The following ZNF469 variants were observed in gnomAD, a reference collection of about 807,000 sequenced individuals.
The protein encoded by ZNF469 is zinc finger protein 469.
ZNF469 carries 1 observed loss-of-function variant against 1.0 expected under a neutral mutation model. The ratio of observed to expected loss-of-function variants is 1.00; its 90% CI spans 0.35 to 4.73. The LOEUF (loss-of-function observed/expected upper bound fraction) is 4.73, where lower values mean the gene tolerates loss of function less well. Ranked by LOEUF, ZNF469 falls within the 30% of genes most tolerant of loss-of-function variation. The pLI is 0.16. For missense variants in ZNF469, 6,100 were observed against 5,356.3 expected (o/e 1.14, Z -4.33); for synonymous variants, 2,703 against 2,363.4 (o/e 1.14, Z -4.17).
At chr16:88,249,429 C>CTTT in the ZNF469 span, among the ~76,000 whole-genome samples, 240 of 63,460 alleles carry the variant, frequency 3.8e-3, 1 homozygote, top group African/African-American at 0.012. Flanking sequence ...TTTTCTTTTT[C>CTTT]TTTTTTTTTT....
At chr16:88,163,654 A>ATGGG in the ZNF469 span, among the ~76,000 whole-genome samples, 257 of 106,854 alleles carry the variant, frequency 2.4e-3, 1 homozygote, top group Admixed American at 7.1e-3. Flanking sequence ...GGATGGATGG[A>ATGGG]TAGTTGGGTA....
In ZNF469 at chr16:88,383,066, CCT is replaced by C. The variant is rs1019895385; in HGVS notation, c.-376_-375del. ...GACCTGGGCAGGGTGGCGGCTGCTC[CCT>C]CTCCTCCCACCCCGCCCCGAGGCGC... On this transcript the variant is annotated 5_prime_UTR_variant, in exon 1 of 3. Coordinates refer to ENST00000565624, the MANE Select transcript of ZNF469 (RefSeq NM_001367624.2). 2.6e-4 allele frequency among the ~76,000 whole-genome samples: 39 copies of C among 151,402 alleles called. No individual in the cohort carries two copies. In the East Asian group the frequency reaches 4.9e-3, roughly 19 times the overall value.
the ZNF469 span, among the ~76,000 whole-genome samples, chr16:88,222,582 AC>A: frequency 6.6e-6 from 1 of 151,974 alleles, no homozygotes; most frequent in East Asian, 1.9e-4. Flanking sequence ...ACATGGAGAA[AC>A]CCCATCTCTA....
At chr16:88,311,276 C>T in the ZNF469 span, among the ~76,000 whole-genome samples, 2 of 152,212 alleles carry the variant, frequency 1.3e-5, no homozygotes, top group African/African-American at 4.8e-5. Context: ...GGCCACCTGG[C>T]TGAGGCCTCA....
At chr16:88,120,971 AG>A in the ZNF469 span, among the ~76,000 whole-genome samples, 4 of 152,060 alleles carry the variant, frequency 2.6e-5, no homozygotes, top group South Asian at 2.1e-4. Context: ...GGTTCTAGAA[AG>A]GCCTCACCAT....
At chr16:88,256,431 A>G in the ZNF469 span, among the ~76,000 whole-genome samples, 2 of 152,260 alleles carry the variant, frequency 1.3e-5, no homozygotes, top group African/African-American at 2.4e-5. Flanking sequence ...TGGATGGACC[A>G]TAGTTTATTA....
chr16:88,429,399 G>A lies in ZNF469; in HGVS notation c.1929G>A (p.Glu643=). 6.5e-7 allele frequency: 1 copy of A among 1,548,452 alleles called. No individual in the cohort carries two copies. Among genetic ancestry groups the A allele is most frequent in the South Asian group, 1.2e-5 (1 of 84,006 alleles). Reference sequence around the variant, plus strand: ...TCCACCCACCCACTCACCCCCAGGAGACGGGCAGCCCCTTCCCGTCCCCGG... The same window carrying A: ...TCCACCCACCCACTCACCCCCAGGAAACGGGCAGCCCCTTCCCGTCCCCGG... ...AFFHPPTHPQ[E]TGSPFPSPEP... Residue 643 remains glutamate, a synonymous_variant, in exon 3 of 3, where the codon GAG becomes GAA. Transcript: ENST00000565624.
At chr16:88,387,724 A>G (rs985628334) in intron 1 of ZNF469, among the ~76,000 whole-genome samples, 7 of 152,306 alleles carry the variant, frequency 4.6e-5, no homozygotes, top group Non-Finnish European at 7.4e-5. Flanking sequence ...GAGAAGGCTC[A>G]GCGTGTGTGG....
At chr16:88,298,032 T>C in the ZNF469 span, among the ~76,000 whole-genome samples, 3 of 152,202 alleles carry the variant, frequency 2.0e-5, no homozygotes, top group African/African-American at 7.2e-5. Flanking sequence ...ACAGGTCTTG[T>C]CCCCAGAAAT....
intron 1 of ZNF469, among the ~76,000 whole-genome samples, chr16:88,415,916 C>T (rs953351337): frequency 6.6e-6 from 1 of 152,250 alleles, no homozygotes; most frequent in Non-Finnish European, 1.5e-5. Context: ...CGCAGCCCGG[C>T]CCCTCCCAGG....
chr16:88,226,340 G>A, the ZNF469 span, among the ~76,000 whole-genome samples: 1 of 152,070 alleles, frequency 6.6e-6, no homozygotes, highest in Non-Finnish European at 1.5e-5. Context: ...GAGGCTGGGA[G>A]AAGAGAGGCG....
chr16:88,438,192 C>T lies in ZNF469; in HGVS notation c.10722C>T (p.Ala3574=). 1 of 1,547,880 alleles carries T rather than the reference C, an allele frequency of 6.5e-7. No individual in the cohort carries two copies. Among genetic ancestry groups the T allele is most frequent in the Non-Finnish European group, 8.7e-7 (1 of 1,145,224 alleles). The part of the protein sequence containing the change: ...DGRGDCALDG[A]LERPENEASP... ...GAGGAGACTGCGCGCTGGACGGAGC[C>T]CTGGAGAGGCCAGAGAACGAGGCTT... Residue 3574 remains alanine, a synonymous_variant, in exon 3 of 3, where the codon GCC becomes GCT. Transcript: ENST00000565624.
rs1430588394 is a variant in ZNF469, at chr16:88,432,532, A to G, written c.5062A>G (p.Arg1688Gly). 7 of 1,550,212 alleles carry G rather than the reference A, an allele frequency of 4.5e-6. No individual in the cohort carries two copies. The highest frequency in any genetic ancestry group is 6.1e-6 in the Non-Finnish European group (7 of 1,146,970). The change falls in exon 3 of 3, where the codon AGG becomes GGG. Residue 1688 changes from arginine to glycine, a missense_variant. Transcript: ENST00000565624. ...DLVSGAPFSPRGANFHFQPVQ... is the reference protein window; with the variant it reads ...DLVSGAPFSPGGANFHFQPVQ... The stretch of plus-strand genomic sequence containing the variant: ...GGTTTCTGGGGCTCCTTTCAGCCCC[A>G]GGGGAGCCAACTTCCATTTTCAGCC...
chr16:88,301,367 G>C, the ZNF469 span, among the ~76,000 whole-genome samples: 78 of 152,246 alleles, frequency 5.1e-4, no homozygotes, highest in African/African-American at 1.8e-3. Flanking sequence ...TGTTAGCCAG[G>C]ATGGTCTCAA....
the ZNF469 span, among the ~76,000 whole-genome samples, chr16:88,322,592 G>T: frequency 6.6e-6 from 1 of 152,234 alleles, no homozygotes; most frequent in Admixed American, 6.5e-5. Flanking sequence ...GACTGACGAG[G>T]AGGGTTTGTG....
the ZNF469 span, among the ~76,000 whole-genome samples, chr16:88,355,735 C>G: frequency 1.3e-5 from 2 of 152,182 alleles, no homozygotes; most frequent in Non-Finnish European, 2.9e-5. Context: ...CTCTGGGCCA[C>G]ATACTCAGAC....
chr16:88,190,234 C>T, the ZNF469 span, among the ~76,000 whole-genome samples: 5 of 152,184 alleles, frequency 3.3e-5, no homozygotes, highest in African/African-American at 1.2e-4. Flanking sequence ...GTTGTAAACT[C>T]ACAGGAGTGG....
intron 1 of ZNF469, among the ~76,000 whole-genome samples, chr16:88,397,018 G>A (rs1231288274): frequency 6.6e-6 from 1 of 151,682 alleles, no homozygotes; most frequent in East Asian, 1.9e-4. Context: ...CCCTCCTGAA[G>A]GGAGGCCGGG....
At chr16:88,333,707 T>C in the ZNF469 span, among the ~76,000 whole-genome samples, 26,994 of 152,198 alleles carry the variant, frequency 0.18, 2,740 homozygotes, top group Non-Finnish European at 0.24. Context: ...GAAGGCATTT[T>C]CATTCTTCCC....
Sources: gnomAD v4.1 joint callset for allele counts (sites outside exome capture counted in the v4.1 genomes callset) on GRCh38, gnomAD v4.1.1 for gene constraint, MANE v1.5 for transcripts, NCBI Gene and HGNC (gene_info 2026-07-23, HGNC 2026-07-21) for gene names.